Variants in SGIP1 observed in about 807,000 individuals in gnomAD.
SGIP1 encodes the protein SH3-containing GRB2-like protein 3-interacting protein 1.
SGIP1 carries 38 observed loss-of-function variants against 107.5 expected under a neutral mutation model. That is an observed-to-expected ratio of 0.35 (90% CI 0.27 to 0.46). The LOEUF is 0.46. Ranked by LOEUF, SGIP1 falls within the 20% of genes least tolerant of loss-of-function variation. The pLI is 1.00. For synonymous variants in SGIP1, 365 were observed against 366.1 expected, an observed-to-expected ratio of 1.00 and a Z score of 0.03; for missense variants, 929 against 1,019.5, an observed-to-expected ratio of 0.91 and a Z score of 1.21.
chr1:66,631,087 GAAAGAAAGAAAGAAAA>G (rs1407324140), intron 2 of SGIP1, among the ~76,000 whole-genome samples: 62 of 135,328 alleles, frequency 4.6e-4, no homozygotes, highest in Admixed American at 6.1e-4. Flanking sequence ...AAGAAAGAAA[GAAAGAAAGAAAGAAAA>G]AAAGAAAGAC....
In SGIP1 at chr1:66,660,509, T is replaced by C; in HGVS notation, c.460-4T>C. The C allele has an allele frequency of 6.2e-7, 1 of 1,610,684 alleles. No individual in the cohort carries two copies. The highest frequency in any genetic ancestry group is 8.5e-7 in the Non-Finnish European group (1 of 1,176,954). ...ATTCTTCCTCCCCATGCCTACGCTT[T>C]TAGAGGAAAAGTCCGGTAAGAAATA... On this transcript the variant is annotated splice_region_variant and splice_polypyrimidine_tract_variant and intron_variant, in intron 7 of 24. Transcript: ENST00000371037.
intron 13 of SGIP1, among the ~76,000 whole-genome samples, chr1:66,677,651 T>G (rs10889642): frequency 0.67 from 101,270 of 152,134 alleles, 34,849 homozygotes; most frequent in East Asian, 1. Flanking sequence ...GACCCAGGCG[T>G]CTGGGAAAGG....
chr1:66,537,728 A>G (rs1449314228), intron 1 of SGIP1, among the ~76,000 whole-genome samples: 1 of 152,098 alleles, frequency 6.6e-6, no homozygotes, highest in Non-Finnish European at 1.5e-5. Context: ...AATTTAATAT[A>G]TTTTATTATA....
chr1:66,631,442 A>G (rs2074664375), intron 2 of SGIP1, among the ~76,000 whole-genome samples: 1 of 152,168 alleles, frequency 6.6e-6, no homozygotes, highest in Admixed American at 6.5e-5. Flanking sequence ...ATGGTCTTTC[A>G]ATATCAGAAT....
At chr1:66,652,976 T>C (rs2079047395) in intron 7 of SGIP1, among the ~76,000 whole-genome samples, 1 of 152,162 alleles carries the variant, frequency 6.6e-6, no homozygotes. Flanking sequence ...TTTGTATTGG[T>C]CTATACCAGG....
chr1:66,686,666 G>A (rs980043646), intron 15 of SGIP1, among the ~76,000 whole-genome samples: 1 of 152,178 alleles, frequency 6.6e-6, no homozygotes, highest in African/African-American at 2.4e-5. Flanking sequence ...TGGTCAAGCA[G>A]GGTTTTAACT....
chr1:66,713,606 T>G (rs2093050541), intron 18 of SGIP1, among the ~76,000 whole-genome samples: 1 of 152,152 alleles, frequency 6.6e-6, no homozygotes, highest in African/African-American at 2.4e-5. Context: ...TAACTTCATG[T>G]AGTGTTTCAT....
At chr1:66,703,717 A>G (rs1420590875) in intron 18 of SGIP1, among the ~76,000 whole-genome samples, 1 of 151,172 alleles carries the variant, frequency 6.6e-6, no homozygotes. Flanking sequence ...TATCATATAT[A>G]TTATATATGA....
intron 1 of SGIP1, among the ~76,000 whole-genome samples, chr1:66,562,426 A>G (rs1002131215): frequency 4.6e-5 from 7 of 152,028 alleles, no homozygotes; most frequent in Non-Finnish European, 1.0e-4. Context: ...AAACAATAGC[A>G]GGGAAGAATT....
intron 7 of SGIP1, among the ~76,000 whole-genome samples, chr1:66,653,480 TC>T (rs943921927): frequency 6.6e-6 from 1 of 152,214 alleles, no homozygotes; most frequent in African/African-American, 2.4e-5. Context: ...TTGTACCTTC[TC>T]AGTAGATGGT....
intron 8 of SGIP1, among the ~76,000 whole-genome samples, chr1:66,664,228 A>C (rs2149756538): frequency 6.6e-6 from 1 of 152,320 alleles, no homozygotes; most frequent in South Asian, 2.1e-4. Flanking sequence ...TAAGCACAGA[A>C]ATAGGTATTT....
chr1:66,561,526 T>C (rs1359456485), intron 1 of SGIP1, among the ~76,000 whole-genome samples: 1 of 152,022 alleles, frequency 6.6e-6, no homozygotes, highest in Admixed American at 6.6e-5. Flanking sequence ...AAAAGGGTAC[T>C]AATAAGTATT....
In SGIP1 at chr1:66,673,136, A is replaced by C. The variant is rs1311691891; in HGVS notation, c.561-145A>C. The C allele has an allele frequency of 8.1e-6, 6 of 744,224 alleles. No homozygotes were observed. The East Asian group carries it at 1.5e-4, about 19-fold the overall frequency. The allele number at this position is 744,224 out of a possible 1,614,324, so 46.1% of individuals were successfully genotyped here. On this transcript the variant is annotated intron_variant, in intron 11 of 24. Coordinates refer to ENST00000371037, the MANE Select transcript of SGIP1 (RefSeq NM_032291.4). Reference sequence around the variant, plus strand: ...CCTTATAAAATACTTTCTAGCCCTAACGGGGCTTGTATACACATGCATGCA... The same window carrying C: ...CCTTATAAAATACTTTCTAGCCCTACCGGGGCTTGTATACACATGCATGCA...
intron 1 of SGIP1, among the ~76,000 whole-genome samples, chr1:66,614,913 G>A (rs554749962): frequency 1.9e-4 from 27 of 141,524 alleles, no homozygotes; most frequent in South Asian, 9.4e-4. Flanking sequence ...TCCGGCTCCC[G>A]GGTTCAAGTG....
chr1:66,731,646 T>A (rs2094013815), intron 20 of SGIP1, among the ~76,000 whole-genome samples: 1 of 152,164 alleles, frequency 6.6e-6, no homozygotes, highest in Non-Finnish European at 1.5e-5. Context: ...GACTCTTTAG[T>A]TTCGTTATGC....
chr1:66,742,487 T>TTTTTTTTTTTTTTTTTTTG (rs2094484029), intron 24 of SGIP1, among the ~76,000 whole-genome samples: 1 of 123,116 alleles, frequency 8.1e-6, no homozygotes, highest in Non-Finnish European at 1.7e-5. Flanking sequence ...TTTTTTTTTT[T>TTTTTTTTTTTTTTTTTTTG]GAGACGGAGT....
intron 1 of SGIP1, among the ~76,000 whole-genome samples, chr1:66,612,156 G>A (rs956973940): frequency 2.0e-5 from 3 of 152,136 alleles, no homozygotes; most frequent in African/African-American, 7.2e-5. Context: ...GAGGTCACAT[G>A]GTGAGAGAAA....
intron 18 of SGIP1, chr1:66,704,744 A>G (rs2092337703): frequency 6.6e-6 from 1 of 152,164 alleles, no homozygotes; most frequent in African/African-American, 2.4e-5. Flanking sequence ...TCTGACATAA[A>G]TGAATGAAGA....
intron 7 of SGIP1, among the ~76,000 whole-genome samples, chr1:66,654,412 G>A (rs1415640272): frequency 6.6e-6 from 1 of 152,006 alleles, no homozygotes; most frequent in African/African-American, 2.4e-5. Context: ...GAGGTTTTCA[G>A]TCATTTAGTT....
Sources: gnomAD v4.1 joint callset for allele counts (sites outside exome capture counted in the v4.1 genomes callset) on GRCh38, gnomAD v4.1.1 for gene constraint, MANE v1.5 for transcripts, NCBI Gene and HGNC (gene_info 2026-07-23, HGNC 2026-07-21) for gene names.